The following RBFOX1 variants were observed in gnomAD, a reference collection of about 807,000 sequenced individuals.
The protein encoded by RBFOX1 is RNA binding fox-1 homolog 1, also known as RNA binding protein fox-1 homolog 1.
Under a neutral mutation model 57.7 loss-of-function variants are expected in RBFOX1, and 8 were observed. The ratio of observed to expected loss-of-function variants is 0.14; its 90% CI spans 0.08 to 0.25. The LOEUF (loss-of-function observed/expected upper bound fraction) is 0.25. Among genes scored for constraint, RBFOX1 ranks in the 10% least tolerant of loss-of-function variants. RBFOX1 has a pLI of 1.00. For synonymous variants in RBFOX1, 326 were observed against 222.4 expected (o/e 1.47, Z -4.15); for missense variants, 611 against 548.5 (o/e 1.11, Z -1.14).
At chr16:5,566,545 T>G (rs1308447828) in intron 2 of RBFOX1, among the ~76,000 whole-genome samples, 1 of 151,932 alleles carries the variant, frequency 6.6e-6, no homozygotes. Context: ...TTGCTCCATC[T>G]CCCAGAGATT....
At chr16:5,648,052 G>T (rs1032824407) in intron 3 of RBFOX1, among the ~76,000 whole-genome samples, 14 of 152,116 alleles carry the variant, frequency 9.2e-5, no homozygotes, top group African/African-American at 2.9e-4. Context: ...TAGAGACAGG[G>T]TTTCACTGTA....
chr16:6,739,969 C>T (rs1053890946), intron 3 of RBFOX1, among the ~76,000 whole-genome samples: 9 of 152,080 alleles, frequency 5.9e-5, no homozygotes, highest in Non-Finnish European at 1.0e-4. Context: ...ACAAAAGAAA[C>T]AAGAAAACTG....
intron 2 of RBFOX1, among the ~76,000 whole-genome samples, chr16:6,493,902 TTAAA>T (rs2095694966): frequency 2.0e-5 from 3 of 152,230 alleles, no homozygotes; most frequent in Non-Finnish European, 2.9e-5. Context: ...TCTTTTTTTA[TTAAA>T]TAGTTTCTTA....
intron 3 of RBFOX1, among the ~76,000 whole-genome samples, chr16:5,752,333 G>T (rs1302496864): frequency 6.6e-6 from 1 of 152,174 alleles, no homozygotes; most frequent in African/African-American, 2.4e-5. Flanking sequence ...ATAGATACTA[G>T]GCTTCATACC....
intron 3 of RBFOX1, among the ~76,000 whole-genome samples, chr16:5,820,417 G>A (rs1300490779): frequency 1.3e-5 from 2 of 152,128 alleles, no homozygotes; most frequent in Admixed American, 6.5e-5. Flanking sequence ...GGACCATCCC[G>A]GTGACCCCGG....
chr16:7,574,859 C>A (rs898019398), intron 5 of RBFOX1, among the ~76,000 whole-genome samples: 3 of 152,140 alleles, frequency 2.0e-5, no homozygotes, highest in African/African-American at 7.2e-5. Flanking sequence ...TTCTCCTAGA[C>A]CTGCTTTGAG....
intron 2 of RBFOX1, among the ~76,000 whole-genome samples, chr16:6,470,514 A>T (rs567921862): frequency 1.3e-5 from 2 of 152,324 alleles, no homozygotes; most frequent in African/African-American, 4.8e-5. Flanking sequence ...TATTCTTCCA[A>T]GATGACCTTC....
At chr16:6,627,378 G>T (rs1307220440) in intron 2 of RBFOX1, among the ~76,000 whole-genome samples, 1 of 152,124 alleles carries the variant, frequency 6.6e-6, no homozygotes, top group Non-Finnish European at 1.5e-5. Context: ...CTGCTTGGAG[G>T]AAGTGAGACA....
intron 4 of RBFOX1, among the ~76,000 whole-genome samples, chr16:7,467,703 C>T (rs1683092782): frequency 6.6e-6 from 1 of 152,180 alleles, no homozygotes; most frequent in Admixed American, 6.5e-5. Context: ...GGGATATAAA[C>T]TCGGATCTGT....
At chr16:7,523,168 G>A (rs1212614639) in intron 5 of RBFOX1, among the ~76,000 whole-genome samples, 2 of 152,164 alleles carry the variant, frequency 1.3e-5, no homozygotes, top group Admixed American at 1.3e-4. Context: ...TGTGGTTGTA[G>A]CTCCTTCCTT....
At chr16:6,496,288 C>T (rs140880870) in intron 2 of RBFOX1, among the ~76,000 whole-genome samples, 1 of 152,232 alleles carries the variant, frequency 6.6e-6, no homozygotes, top group East Asian at 1.9e-4. Context: ...GTGGTGTGAC[C>T]TAATATTTGG....
At chr16:7,578,952 A>T (rs985086057) in intron 5 of RBFOX1, among the ~76,000 whole-genome samples, 4 of 152,196 alleles carry the variant, frequency 2.6e-5, no homozygotes, top group Admixed American at 2.0e-4. Context: ...GGGGAGGTGA[A>T]ACAATCAGTT....
intron 3 of RBFOX1, among the ~76,000 whole-genome samples, chr16:6,661,525 TTACTG>T (rs2098701516): frequency 1.3e-5 from 2 of 152,146 alleles, no homozygotes; most frequent in South Asian, 2.1e-4. Context: ...AGGCAAATCT[TTACTG>T]TATGGGGCCA....
intron 3 of RBFOX1, among the ~76,000 whole-genome samples, chr16:6,960,571 C>T (rs369648494): frequency 1.3e-5 from 2 of 152,044 alleles, no homozygotes; most frequent in African/African-American, 4.8e-5. Context: ...CCCCTGTGCC[C>T]TTCTTACCTC....
At chr16:7,185,304 A>G (rs541657968) in intron 4 of RBFOX1, among the ~76,000 whole-genome samples, 2 of 152,022 alleles carry the variant, frequency 1.3e-5, no homozygotes, top group East Asian at 1.9e-4. Flanking sequence ...TAATGATTCT[A>G]CTGTACCCTG....
At chr16:5,244,753 G>C (rs2062254118) in intron 1 of RBFOX1, among the ~76,000 whole-genome samples, 1 of 152,222 alleles carries the variant, frequency 6.6e-6, no homozygotes, top group Non-Finnish European at 1.5e-5. Context: ...TCCCCCTTTG[G>C]CCGAAAGTGC....
At chr16:5,602,089 G>T (rs905311234), downstream of RBFOX1, among the ~76,000 whole-genome samples, 1 of 152,180 alleles carries the variant, frequency 6.6e-6, no homozygotes, top group Admixed American at 6.5e-5. Flanking sequence ...CTGTAGCAGG[G>T]CTGCTGAGCT....
At chr16:6,773,389 G>T (rs1269283386) in intron 3 of RBFOX1, among the ~76,000 whole-genome samples, 1 of 146,354 alleles carries the variant, frequency 6.8e-6, no homozygotes, top group Non-Finnish European at 1.5e-5. Context: ...TGGGCGTGGG[G>T]TATATTTGTG....
intron 2 of RBFOX1, among the ~76,000 whole-genome samples, chr16:5,494,088 T>G (rs2042922292): frequency 6.6e-6 from 1 of 152,202 alleles, no homozygotes; most frequent in Non-Finnish European, 1.5e-5. Flanking sequence ...GGTGTTCCTT[T>G]CTGCTTGTCC....
Sources: gnomAD v4.1 joint callset for allele counts (sites outside exome capture counted in the v4.1 genomes callset) on GRCh38, gnomAD v4.1.1 for gene constraint, MANE v1.5 for transcripts, NCBI Gene and HGNC (gene_info 2026-07-23, HGNC 2026-07-21) for gene names.